Variants in RGS7 observed in about 807,000 individuals in gnomAD.
RGS7 encodes regulator of G protein signaling 7, also known as regulator of G-protein signaling 7.
Under a neutral mutation model 81.1 loss-of-function variants are expected in RGS7, and 27 were observed. The observed-to-expected ratio is 0.33, with a 90% CI of 0.25 to 0.46. The LOEUF is 0.46. RGS7 is among the 20% of genes least tolerant of loss of function. The pLI, the probability that RGS7 is intolerant of heterozygous loss-of-function variation, is 1.00. For missense variants in RGS7, 396 were observed against 607.4 expected (o/e 0.65, Z 3.66); for synonymous variants, 208 against 207.7 (o/e 1.00, Z -0.01).
At chr1:241,039,013 AAGTC>A (rs1316555829) in intron 3 of RGS7, among the ~76,000 whole-genome samples, 3 of 152,008 alleles carry the variant, frequency 2.0e-5, no homozygotes, top group East Asian at 1.9e-4. Context: ...AAAAGAATGA[AAGTC>A]AGGCAGCTCG....
intron 2 of RGS7, among the ~76,000 whole-genome samples, chr1:241,244,135 C>T (rs1446387319): frequency 1.3e-5 from 2 of 151,952 alleles, no homozygotes; most frequent in Non-Finnish European, 2.9e-5. Context: ...TGTGTGTGTA[C>T]ACAGCAAAAG....
At chr1:241,073,284 G>A (rs970876788) in intron 3 of RGS7, among the ~76,000 whole-genome samples, 1 of 152,134 alleles carries the variant, frequency 6.6e-6, no homozygotes, top group Non-Finnish European at 1.5e-5. Flanking sequence ...ATTGGTTTGG[G>A]GAAGAACGGG....
chr1:240,905,493 A>C (rs998147373), intron 6 of RGS7, among the ~76,000 whole-genome samples: 9 of 152,210 alleles, frequency 5.9e-5, no homozygotes, highest in African/African-American at 2.4e-5. Flanking sequence ...TCCATTTTGC[A>C]CCCAACCACA....
intron 15 of RGS7, among the ~76,000 whole-genome samples, chr1:240,804,334 T>C (rs1285646248): frequency 6.6e-6 from 1 of 152,172 alleles, no homozygotes; most frequent in Non-Finnish European, 1.5e-5. Flanking sequence ...AAAACCCCTA[T>C]GGGGTTGGTA....
intron 3 of RGS7, among the ~76,000 whole-genome samples, chr1:241,085,876 C>A (rs1214772965): frequency 6.6e-6 from 1 of 152,184 alleles, no homozygotes; most frequent in South Asian, 2.1e-4. Context: ...AATGCTAGAT[C>A]TCAAGACATA....
intron 9 of RGS7, among the ~76,000 whole-genome samples, chr1:240,833,957 T>C (rs558352959): frequency 2.6e-4 from 40 of 152,136 alleles, no homozygotes; most frequent in Non-Finnish European, 5.1e-4. Flanking sequence ...ATATTTTATT[T>C]TTAATTTTTA....
chr1:241,270,561 C>T (rs1224901963), intron 2 of RGS7, among the ~76,000 whole-genome samples: 1 of 152,140 alleles, frequency 6.6e-6, no homozygotes, highest in Non-Finnish European at 1.5e-5. Context: ...TTTCTCCATC[C>T]TGATGTCCTT....
chr1:241,012,614 C>T (rs994158630), intron 3 of RGS7, among the ~76,000 whole-genome samples: 10 of 152,154 alleles, frequency 6.6e-5, no homozygotes, highest in Admixed American at 6.5e-5. Flanking sequence ...AATATGTCAC[C>T]CAAATATACT....
chr1:241,177,926 T>C (rs549163186), intron 2 of RGS7, among the ~76,000 whole-genome samples: 1 of 152,266 alleles, frequency 6.6e-6, no homozygotes, highest in South Asian at 2.1e-4. Context: ...CTGAGTTGCC[T>C]TATGTTTGAG....
intron 2 of RGS7, among the ~76,000 whole-genome samples, chr1:241,133,206 AT>A (rs2067247183): frequency 6.6e-6 from 1 of 152,204 alleles, no homozygotes; most frequent in East Asian, 1.9e-4. Context: ...AAATGTAATC[AT>A]AAGAAATAAG....
intron 2 of RGS7, among the ~76,000 whole-genome samples, chr1:241,168,677 G>A (rs965550510): frequency 1.3e-5 from 2 of 152,006 alleles, no homozygotes; most frequent in Admixed American, 6.6e-5. Flanking sequence ...GCATGGGTCT[G>A]ACCTAATCAG....
At chr1:241,135,534 C>T (rs540853699) in intron 2 of RGS7, among the ~76,000 whole-genome samples, 125 of 152,252 alleles carry the variant, frequency 8.2e-4, no homozygotes, top group African/African-American at 2.9e-3. Flanking sequence ...CTCACCACTT[C>T]CGGGATGCCT....
chr1:241,010,286 T>C (rs142102752), intron 3 of RGS7, among the ~76,000 whole-genome samples: 19 of 152,322 alleles, frequency 1.2e-4, no homozygotes, highest in African/African-American at 4.3e-4. Flanking sequence ...GAACACCTGA[T>C]CATGGTACCA....
At chr1:240,917,655 A>G (rs1672819801) in intron 6 of RGS7, among the ~76,000 whole-genome samples, 1 of 152,218 alleles carries the variant, frequency 6.6e-6, no homozygotes. Context: ...AGAATTATAT[A>G]AAATGTTCAT....
At chr1:241,011,361 C>T (rs994720339) in intron 3 of RGS7, among the ~76,000 whole-genome samples, 25 of 152,184 alleles carry the variant, frequency 1.6e-4, no homozygotes, top group Admixed American at 1.4e-3. Context: ...CAAAGTAGAG[C>T]AGCCTCATGA....
chr1:241,334,530 G>A (rs922968452), intron 2 of RGS7, among the ~76,000 whole-genome samples: 5 of 152,094 alleles, frequency 3.3e-5, no homozygotes, highest in Non-Finnish European at 4.4e-5. Flanking sequence ...TCCCGCAGGG[G>A]CCCATTCCAC....
intron 9 of RGS7, among the ~76,000 whole-genome samples, chr1:240,862,723 C>T (rs1662439162): frequency 1.3e-5 from 2 of 152,082 alleles, no homozygotes; most frequent in South Asian, 2.1e-4. Context: ...AATGACATAA[C>T]TTAAAAGTCT....
chr1:240,960,217 C>CTTCTTT (rs60911948), intron 4 of RGS7, among the ~76,000 whole-genome samples: 122 of 8,962 alleles, frequency 0.014, 8 homozygotes, highest in African/African-American at 0.04. Context: ...TCTTCTTCTT[C>CTTCTTT]TTTTTTTTTT....
At chr1:240,890,491 T>C (rs1300931964) in intron 6 of RGS7, among the ~76,000 whole-genome samples, 1 of 152,140 alleles carries the variant, frequency 6.6e-6, no homozygotes, top group Non-Finnish European at 1.5e-5. Context: ...ATACTAACAA[T>C]AGCTTGAAGA....
Sources: gnomAD v4.1 joint callset for allele counts (sites outside exome capture counted in the v4.1 genomes callset) on GRCh38, gnomAD v4.1.1 for gene constraint, MANE v1.5 for transcripts, NCBI Gene and HGNC (gene_info 2026-07-23, HGNC 2026-07-21) for gene names.